Variants in DPY19L4 observed in about 807,000 individuals in gnomAD.
The protein encoded by DPY19L4 is probable C-mannosyltransferase DPY19L4.
DPY19L4 carries 97 observed loss-of-function variants against 102.8 expected under a neutral mutation model. The observed-to-expected ratio is 0.94, with a 90% CI of 0.80 to 1.12. DPY19L4 has a LOEUF of 1.12. DPY19L4 is among the 50% of genes most tolerant of loss of function. The pLI, the probability that DPY19L4 is intolerant of heterozygous loss-of-function variation, is 0.00. For synonymous variants in DPY19L4, 252 were observed against 283.1 expected, an observed-to-expected ratio of 0.89 and a Z score of 1.10; for missense variants, 815 against 850.4, an observed-to-expected ratio of 0.96 and a Z score of 0.52.
chr8:94,760,861 G>GACTT (rs1223880499), intron 7 of DPY19L4, among the ~76,000 whole-genome samples: 1 of 152,184 alleles, frequency 6.6e-6, no homozygotes, highest in Non-Finnish European at 1.5e-5. Flanking sequence ...GGACAGAATT[G>GACTT]ACTTAGCCAG....
chr8:94,788,179 T>C, intron 18 of DPY19L4, 127 bp downstream of exon 18: 1 of 431,796 alleles, frequency 2.3e-6, no homozygotes, highest in Non-Finnish European at 3.4e-6. Context: ...TTGAGTTATG[T>C]AATAATGGGG....
intron 6 of DPY19L4, among the ~76,000 whole-genome samples, chr8:94,748,829 T>A (rs533182495): frequency 1.2e-4 from 19 of 152,296 alleles, no homozygotes; most frequent in Admixed American, 5.2e-4. Flanking sequence ...ATCTAACTAA[T>A]GCCTGATGAT....
chr8:94,765,142 A>G (rs1376262874), intron 8 of DPY19L4, 41 bp from the exon 9 acceptor site: 7 of 1,302,730 alleles, frequency 5.4e-6, no homozygotes. Flanking sequence ...TGTATGATAA[A>G]ATATAACTTA....
chr8:94,722,532 C>T (rs1027227437), intron 1 of DPY19L4, among the ~76,000 whole-genome samples: 2 of 152,090 alleles, frequency 1.3e-5, no homozygotes, highest in African/African-American at 4.8e-5. Context: ...TTGCTTTATT[C>T]AACACATTTC....
intron 14 of DPY19L4, among the ~76,000 whole-genome samples, chr8:94,778,752 G>A (rs1323924631): frequency 6.6e-6 from 1 of 151,920 alleles, no homozygotes; most frequent in Non-Finnish European, 1.5e-5. Flanking sequence ...CAAATGAAGG[G>A]GAAAGAAAGG....
In DPY19L4 at chr8:94,770,558, A is replaced by G. The variant is rs149176074; in HGVS notation, c.1441A>G (p.Met481Val). ...IHTILLGSLAMVIEGLKYIWI... is the reference protein window; with the variant it reads ...IHTILLGSLAVVIEGLKYIWI... ...CACTATTTTATTGGGTTCTCTTGCAATGGTTATAGAAGGGTAAGTGTACTT... is the reference window on the plus strand; with the variant it reads ...CACTATTTTATTGGGTTCTCTTGCAGTGGTTATAGAAGGGTAAGTGTACTT... The change falls in exon 13 of 19, where the codon ATG (methionine) becomes GTG (valine). Residue 481 changes from methionine (M) to valine (V), a missense_variant. Met to Val is a conservative substitution (Grantham distance 21, BLOSUM62 1). Transcript: ENST00000414645. 1.9e-6 allele frequency: 3 copies of G among 1,612,802 alleles called. No homozygotes were observed. Among genetic ancestry groups the G allele is most frequent in the African/African-American group, 2.7e-5 (2 of 74,860 alleles).
In DPY19L4 at chr8:94,770,547, G is replaced by A. The variant is rs778639589; in HGVS notation, c.1430G>A (p.Gly477Asp). ...IYHVIHTILL[G>D]SLAMVIEGLK... ...CATGTAATTCACACTATTTTATTGG[G>A]TTCTCTTGCAATGGTTATAGAAGGG... Residue 477 changes from glycine (G) to aspartate (D), a missense_variant, in exon 13 of 19, where the codon GGT (glycine) becomes GAT (aspartate). Coordinates refer to ENST00000414645, the MANE Select transcript of DPY19L4 (RefSeq NM_181787.3). 5 of 1,612,926 alleles carry A rather than the reference G, an allele frequency of 3.1e-6. No individual in the cohort carries two copies. Among genetic ancestry groups the A allele is most frequent in the South Asian group, 2.2e-5 (2 of 90,718 alleles).
chr8:94,752,340 T>G (rs986702044), intron 6 of DPY19L4, among the ~76,000 whole-genome samples: 13 of 152,056 alleles, frequency 8.5e-5, no homozygotes, highest in Non-Finnish European at 1.8e-4. Context: ...ATCCCAGCAC[T>G]TTGGGAGGCT....
rs368884312 is a variant in DPY19L4 at position 94,729,304 on chromosome 8, G to A, written c.127+2863G>A. On this transcript the variant is annotated intron_variant, in intron 2 of 18. Coordinates refer to ENST00000414645, the MANE Select transcript of DPY19L4 (RefSeq NM_181787.3). Reference sequence around the variant, plus strand: ...GGAGAATCGCTTGAACCTGGGAAGCGGAGGTCACAATGAGCCGAGATTGTG... The same window carrying A: ...GGAGAATCGCTTGAACCTGGGAAGCAGAGGTCACAATGAGCCGAGATTGTG... Among the ~76,000 whole-genome samples, 113 of 152,142 alleles carry A rather than the reference G, an allele frequency of 7.4e-4. 2 individuals carry two copies. Among genetic ancestry groups the A allele is most frequent in the African/African-American group, 2.6e-3 (107 of 41,532 alleles).
At chr8:94,755,879 C>T (rs575423779) in intron 6 of DPY19L4, among the ~76,000 whole-genome samples, 157 bp from the exon 7 acceptor site, 2 of 150,180 alleles carry the variant, frequency 1.3e-5, no homozygotes, top group Non-Finnish European at 1.5e-5. Context: ...AGCGAGACTC[C>T]ATCTCAAAAA....
intron 4 of DPY19L4, among the ~76,000 whole-genome samples, chr8:94,738,983 A>G (rs1811317118): frequency 6.6e-6 from 1 of 152,210 alleles, no homozygotes. Flanking sequence ...TATCCATCAC[A>G]TTGGACATAT....
intron 7 of DPY19L4, among the ~76,000 whole-genome samples, chr8:94,756,498 A>C (rs1025144749): frequency 1.3e-5 from 2 of 152,182 alleles, no homozygotes; most frequent in East Asian, 3.8e-4. Flanking sequence ...CCATGATTTA[A>C]AGATATATTA....
chr8:94,752,614 C>T (rs2130854481), intron 6 of DPY19L4, among the ~76,000 whole-genome samples: 1 of 146,824 alleles, frequency 6.8e-6, no homozygotes, highest in East Asian at 2.0e-4. Flanking sequence ...AAAATAGAAA[C>T]CTTGTAGCCC....
intron 13 of DPY19L4, among the ~76,000 whole-genome samples, chr8:94,773,931 A>T (rs1813051329): frequency 7.1e-6 from 1 of 140,118 alleles, no homozygotes; most frequent in South Asian, 2.4e-4. Context: ...GCCACTATGG[A>T]GGCTGAGGTG....
intron 6 of DPY19L4, among the ~76,000 whole-genome samples, chr8:94,751,584 C>T (rs573561376): frequency 1.0e-3 from 152 of 151,730 alleles, no homozygotes; most frequent in African/African-American, 3.3e-3. Flanking sequence ...CTCTGCCTCC[C>T]GGGTTCAAGC....
In DPY19L4 at chr8:94,720,109, C is replaced by T. The variant is rs1345359384; in HGVS notation, c.16+95C>T. ...AGGTCTGGGTTGGAGCTGCTGGTGG[C>T]CGCGGTCGCGGTGGCGGCCGCGCGG... On this transcript the variant is annotated intron_variant, in intron 1 of 18. Coordinates refer to ENST00000414645, the MANE Select transcript of DPY19L4 (RefSeq NM_181787.3). The T allele has an allele frequency of 9.2e-6, 13 of 1,407,942 alleles. No homozygotes were observed. In the East Asian group the frequency reaches 3.6e-4, roughly 39 times the overall value. The allele number at this position is 1,407,942 out of a possible 1,614,324, so 87.2% of individuals were successfully genotyped here. A position where few individuals can be genotyped will look rare whatever the true frequency, so the allele number is the denominator to read the frequency against.
In DPY19L4 at chr8:94,787,922, C is replaced by A; in HGVS notation, c.1877C>A (p.Ala626Asp). The change falls in exon 18 of 19, where the codon GCT becomes GAT. Residue 626 changes from alanine (A) to aspartate (D), a missense_variant. Ala to Asp is a moderately radical substitution (Grantham distance 126, BLOSUM62 -2). Transcript: ENST00000414645. ...TACCAAATCTATTCAAAGCGATCTG[C>A]TGAGGATATTTATAAAATACTGACA... ...NIYQIYSKRS[A>D]EDIYKILTSY... 1 of 1,450,630 alleles carries A rather than the reference C, an allele frequency of 6.9e-7. No homozygotes were observed. 89.9% of individuals were successfully genotyped at this position (1,450,630 alleles called of 1,614,324 possible).
chr8:94,721,198 G>A (rs1810446122), intron 1 of DPY19L4, among the ~76,000 whole-genome samples: 1 of 152,174 alleles, frequency 6.6e-6, no homozygotes. Context: ...CGCCCACCTC[G>A]GCCTCCCAGA....
Position 94,734,706 on chromosome 8 carries a change from C to G in DPY19L4, c.204C>G (p.Leu68=). ...TTACTAGTGGTATGATGTATGCTCT[C>G]TACTTATCAGCATACCATGAACGGA... ...AAVTSGMMYA[L]YLSAYHERKF... The change falls in exon 3 of 19, where the codon CTC becomes CTG. Residue 68 remains leucine, a synonymous_variant. Coordinates refer to ENST00000414645, the MANE Select transcript of DPY19L4 (RefSeq NM_181787.3). 1 of 1,613,942 alleles carries G rather than the reference C, an allele frequency of 6.2e-7. No individual in the cohort carries two copies. The highest frequency in any genetic ancestry group is 8.5e-7 in the Non-Finnish European group (1 of 1,179,914).
Sources: gnomAD v4.1 joint callset for allele counts (sites outside exome capture counted in the v4.1 genomes callset) on GRCh38, gnomAD v4.1.1 for gene constraint, MANE v1.5 for transcripts, NCBI Gene and HGNC (gene_info 2026-07-23, HGNC 2026-07-21) for gene names.